The following RBFOX1 variants were observed in gnomAD, a reference collection of about 807,000 sequenced individuals.
The protein encoded by RBFOX1 is RNA binding fox-1 homolog 1.
Under a neutral mutation model 57.7 loss-of-function variants are expected in RBFOX1, and 8 were observed. The observed-to-expected ratio is 0.14, with a 90% CI of 0.08 to 0.25. The LOEUF is 0.25. Ranked by LOEUF, RBFOX1 falls within the 10% of genes least tolerant of loss-of-function variation. The probability of loss-of-function intolerance (pLI) is 1.00; values close to 1 mark genes in which losing one functional copy is unlikely to be tolerated. For synonymous variants in RBFOX1, 326 were observed against 222.4 expected, an observed-to-expected ratio of 1.47 and a Z score of -4.15; for missense variants, 611 against 548.5, an observed-to-expected ratio of 1.11 and a Z score of -1.14.
intron 1 of RBFOX1, among the ~76,000 whole-genome samples, chr16:5,369,342 G>C (rs2065803262): frequency 6.6e-6 from 1 of 152,162 alleles, no homozygotes; most frequent in East Asian, 1.9e-4. Context: ...ATTTCTACCT[G>C]TCCCTTAGCC....
intron 1 of RBFOX1, among the ~76,000 whole-genome samples, chr16:5,345,823 C>T (rs1386780905): frequency 6.6e-6 from 1 of 152,134 alleles, no homozygotes; most frequent in Non-Finnish European, 1.5e-5. Context: ...TACATAATGC[C>T]TGGACTTAAA....
chr16:7,459,028 G>A (rs535865131), intron 4 of RBFOX1, among the ~76,000 whole-genome samples: 4 of 152,270 alleles, frequency 2.6e-5, no homozygotes, highest in African/African-American at 9.6e-5. Flanking sequence ...ATGGGTGAAT[G>A]GATGGATGAA....
At chr16:7,394,831 C>A (rs2098115105) in intron 4 of RBFOX1, among the ~76,000 whole-genome samples, 1 of 152,166 alleles carries the variant, frequency 6.6e-6, no homozygotes, top group African/African-American at 2.4e-5. Flanking sequence ...GATTCCTCTG[C>A]CTTATTGTTT....
intron 1 of RBFOX1, among the ~76,000 whole-genome samples, chr16:6,307,761 G>C (rs904159797): frequency 6.9e-6 from 1 of 145,476 alleles, no homozygotes; most frequent in African/African-American, 2.5e-5. Context: ...CATGATGATT[G>C]TTTATATTAT....
rs528413908 is a variant in RBFOX1, at chr16:6,192,785, G to C, written c.-126-124210G>C. 3.9e-5 allele frequency among the ~76,000 whole-genome samples: 6 copies of C among 152,232 alleles called. No homozygotes were observed. In the East Asian group the frequency reaches 1.2e-3, roughly 29 times the overall value. On this transcript the variant is annotated intron_variant, in intron 1 of 15. Transcript: ENST00000550418. ...TAAGATTATGCATGTGAAATGCTTA[G>C]CACAGGTTGTCATGCACTAAAAGAT...
At chr16:7,100,453 C>T (rs1481715728) in intron 4 of RBFOX1, among the ~76,000 whole-genome samples, 2 of 152,002 alleles carry the variant, frequency 1.3e-5, no homozygotes, top group Non-Finnish European at 2.9e-5. Flanking sequence ...TTCATAGATA[C>T]CCATTTTCCT....
intron 11 of RBFOX1, among the ~76,000 whole-genome samples, chr16:7,638,269 C>G (rs1185121396): frequency 2.0e-5 from 3 of 152,168 alleles, no homozygotes; most frequent in Non-Finnish European, 4.4e-5. Context: ...TAAGAAGGAA[C>G]TATAGGACAG....
intron 2 of RBFOX1, among the ~76,000 whole-genome samples, chr16:6,406,885 G>C (rs1034679569): frequency 6.6e-6 from 1 of 152,146 alleles, no homozygotes; most frequent in African/African-American, 2.4e-5. Flanking sequence ...GTGTTTATAT[G>C]CTGGCTGACC....
chr16:7,337,599 C>A (rs1053368129), intron 4 of RBFOX1, among the ~76,000 whole-genome samples: 2 of 152,164 alleles, frequency 1.3e-5, no homozygotes, highest in Admixed American at 6.5e-5. Context: ...CTAAGCACTG[C>A]GTCTCTGCAA....
chr16:6,689,485 A>G (rs1368130021), intron 3 of RBFOX1, among the ~76,000 whole-genome samples: 2 of 152,204 alleles, frequency 1.3e-5, no homozygotes, highest in Non-Finnish European at 2.9e-5. Flanking sequence ...TCTAAGGCTG[A>G]GTAAGTGTAT....
intron 1 of RBFOX1, among the ~76,000 whole-genome samples, chr16:5,246,912 C>T (rs1316330375): frequency 6.6e-6 from 1 of 152,172 alleles, no homozygotes; most frequent in Non-Finnish European, 1.5e-5. Context: ...CTCAAGCAAT[C>T]TGCCGGCCTC....
intron 3 of RBFOX1, among the ~76,000 whole-genome samples, chr16:5,712,273 A>G (rs553601960): frequency 3.3e-5 from 5 of 152,224 alleles, no homozygotes; most frequent in Non-Finnish European, 7.3e-5. Flanking sequence ...GCCAAACCAT[A>G]TAATGCTAAA....
At chr16:6,075,342 C>G (rs1398776263) in intron 1 of RBFOX1, among the ~76,000 whole-genome samples, 4 of 152,214 alleles carry the variant, frequency 2.6e-5, no homozygotes, top group Non-Finnish European at 4.4e-5. Context: ...ATTTATTCAT[C>G]TGTTTAACAA....
chr16:5,499,804 A>T (rs1030003896), intron 2 of RBFOX1, among the ~76,000 whole-genome samples: 1 of 152,016 alleles, frequency 6.6e-6, no homozygotes, highest in Non-Finnish European at 1.5e-5. Context: ...AACTCCTGAC[A>T]TCAGGTGATC....
rs192954433 is a variant in RBFOX1, at chr16:6,621,356, C to T, written c.-63-33247C>T. Among the ~76,000 whole-genome samples, 1,314 of 152,156 alleles carry T rather than the reference C, an allele frequency of 8.6e-3. 22 individuals carry two copies. The highest frequency in any genetic ancestry group is 0.03 in the African/African-American group (1,232 of 41,502). ...GCAGGCGCCTGTAGTCCCAGCTACT[C>T]GGGAGGCTGAGGCAGGAGAATGGCG... On this transcript the variant is annotated intron_variant, in intron 2 of 15. Coordinates refer to ENST00000550418, the MANE Select transcript of RBFOX1 (RefSeq NM_018723.4).
chr16:6,129,102 GT>G (rs1169408491), intron 1 of RBFOX1, among the ~76,000 whole-genome samples: 2 of 152,140 alleles, frequency 1.3e-5, no homozygotes, highest in African/African-American at 4.8e-5. Flanking sequence ...TATGCATCTT[GT>G]TCAACATACC....
chr16:6,476,923 T>A (rs989231070), intron 2 of RBFOX1, among the ~76,000 whole-genome samples: 6 of 152,348 alleles, frequency 3.9e-5, no homozygotes, highest in Middle Eastern at 6.8e-3. Context: ...GATCATAGTA[T>A]CTTTACTAGA....
intron 4 of RBFOX1, among the ~76,000 whole-genome samples, chr16:5,989,426 T>C (rs904117261): frequency 6.6e-6 from 1 of 152,074 alleles, no homozygotes; most frequent in Non-Finnish European, 1.5e-5. Context: ...GAACTTAGCA[T>C]GGAAAGATGC....
intron 4 of RBFOX1, among the ~76,000 whole-genome samples, chr16:7,178,576 C>T (rs2082109246): frequency 1.3e-5 from 2 of 152,220 alleles, no homozygotes. Flanking sequence ...GGGTATATTT[C>T]TGTTTCCATC....
Sources: allele counts gnomAD v4.1 joint callset (sites outside exome capture counted in the v4.1 genomes callset), GRCh38; gene constraint gnomAD v4.1.1; transcripts MANE v1.5; gene names NCBI Gene and HGNC (gene_info 2026-07-23, HGNC 2026-07-21).